Variants in P4HA1 observed in about 807,000 individuals in gnomAD.
The protein encoded by P4HA1 is prolyl 4-hydroxylase subunit alpha-1.
P4HA1 carries 24 observed loss-of-function variants against 72.8 expected under a neutral mutation model. The ratio of observed to expected loss-of-function variants is 0.33; its 90% confidence interval spans 0.24 to 0.46. P4HA1 has a LOEUF of 0.46. Ranked by LOEUF, P4HA1 falls within the 20% of genes least tolerant of loss-of-function variation. The pLI is 1.00. For synonymous variants in P4HA1, 201 were observed against 218.8 expected, an observed-to-expected ratio of 0.92 and a Z score of 0.72; for missense variants, 446 against 640.6, an observed-to-expected ratio of 0.70 and a Z score of 3.28.
intron 10 of P4HA1, among the ~76,000 whole-genome samples, chr10:73,021,084 A>C (rs1310055822): frequency 6.6e-6 from 1 of 152,132 alleles, no homozygotes; most frequent in African/African-American, 2.4e-5. Context: ...GCAGTGAGCC[A>C]AGATCACACC....
chr10:73,084,642 C>A (rs1252071416), intron 1 of P4HA1, among the ~76,000 whole-genome samples: 1 of 152,020 alleles, frequency 6.6e-6, no homozygotes, highest in African/African-American at 2.4e-5. Context: ...AGCAGTTATA[C>A]TACTTGAAAA....
intron 6 of P4HA1, 111 bp from the exon 7 acceptor site, chr10:73,051,360 T>G (rs1841015431): frequency 3.1e-6 from 2 of 638,778 alleles, no homozygotes; most frequent in Admixed American, 5.9e-5. Context: ...CAAACCAGGT[T>G]GCTGTTGTGA....
intron 5 of P4HA1, among the ~76,000 whole-genome samples, chr10:73,053,938 A>G (rs1841076859): frequency 6.6e-6 from 1 of 150,540 alleles, no homozygotes; most frequent in Admixed American, 6.6e-5. Flanking sequence ...TTCTTTTGAG[A>G]CAGAGTCTTG....
At chr10:73,056,488 C>T (rs1841150408) in intron 5 of P4HA1, among the ~76,000 whole-genome samples, 1 of 151,840 alleles carries the variant, frequency 6.6e-6, no homozygotes, top group Non-Finnish European at 1.5e-5. Context: ...AAAAATCAGC[C>T]AGGCATGGTG....
intron 5 of P4HA1, among the ~76,000 whole-genome samples, chr10:73,055,211 G>C (rs1273293443): frequency 6.6e-6 from 1 of 152,088 alleles, no homozygotes; most frequent in Non-Finnish European, 1.5e-5. Context: ...CACTCTGTTA[G>C]AGTTCTTTAT....
intron 6 of P4HA1, 114 bp downstream of exon 6, chr10:73,053,237 C>T: frequency 2.0e-6 from 2 of 1,001,894 alleles, no homozygotes; most frequent in South Asian, 1.6e-5. Context: ...AAGTAAAGCT[C>T]CTGACTTCTA....
intron 1 of P4HA1, among the ~76,000 whole-genome samples, chr10:73,088,642 C>T (rs1053324686): frequency 2.1e-4 from 32 of 152,192 alleles, no homozygotes; most frequent in South Asian, 1.7e-3. Flanking sequence ...TGTCACTTGT[C>T]CCAATATTCA....
intron 1 of P4HA1, among the ~76,000 whole-genome samples, chr10:73,095,273 C>T (rs1026025492): frequency 7.1e-6 from 1 of 140,852 alleles, no homozygotes; most frequent in African/African-American, 2.6e-5. Flanking sequence ...TGTGTATTCA[C>T]ATTTCACATG....
At chr10:73,011,627 A>G (rs1839911344) in intron 12 of P4HA1, among the ~76,000 whole-genome samples, 1 of 152,206 alleles carries the variant, frequency 6.6e-6, no homozygotes, top group Non-Finnish European at 1.5e-5. Context: ...AAAAATGGAA[A>G]CCTTTTAAAT....
chr10:73,024,898 G>A (rs940538735), intron 10 of P4HA1, among the ~76,000 whole-genome samples: 3 of 152,130 alleles, frequency 2.0e-5, no homozygotes, highest in African/African-American at 7.2e-5. Context: ...TAGAAGAAAT[G>A]GATAAATTCC....
At chr10:73,089,568 A>T (rs6480668) in intron 1 of P4HA1, among the ~76,000 whole-genome samples, 1 of 152,066 alleles carries the variant, frequency 6.6e-6, no homozygotes, top group East Asian at 1.9e-4. Flanking sequence ...AAACAATCCA[A>T]ATGTCCATCA....
rs200840108 is a variant in P4HA1, at chr10:73,071,042, CTGGCG to C, written c.325+982_325+986del. Among the ~76,000 whole-genome samples, 37 of 151,924 alleles carry C rather than the reference CTGGCG, an allele frequency of 2.4e-4. No homozygotes were observed. The East Asian group carries it at 7.0e-3, about 29-fold the overall frequency. On this transcript the variant is annotated intron_variant, in intron 4 of 14. Transcript: ENST00000394890. ...AAGAAAGAAAAATTTTTAAATTGGC[CTGGCG>C]TGGTGGTCTATGCTTGTAGTGCTAG... is the stretch of plus-strand genomic sequence containing the variant.
chr10:73,047,592 T>G (rs965554209), intron 7 of P4HA1, among the ~76,000 whole-genome samples: 1 of 74,274 alleles, frequency 1.3e-5, no homozygotes, highest in Non-Finnish European at 3.3e-5. Flanking sequence ...AAGGGCAAAA[T>G]AAAAAATGGA....
chr10:73,047,159 T>G, intron 7 of P4HA1, 58 bp from the exon 8 acceptor site: 1 of 1,183,486 alleles, frequency 8.4e-7, no homozygotes, highest in African/African-American at 1.6e-5. Flanking sequence ...TTTTAATATC[T>G]ATTCCTATGC....
chr10:73,035,553 T>G (rs1407213069), intron 9 of P4HA1, among the ~76,000 whole-genome samples: 2 of 152,088 alleles, frequency 1.3e-5, no homozygotes, highest in Non-Finnish European at 2.9e-5. Flanking sequence ...AACTTTTAAT[T>G]CCAGGAATGG....
rs192689158 is a variant in P4HA1 at position 73,029,584 on chromosome 10, C to T, written c.1248+687G>A. ...GAAAAGACTAAGGAATAGTAAATAA[C>T]GCTGACAAAGGGGAAGACTAAGCTG... is the stretch of plus-strand genomic sequence containing the variant. On this transcript the variant is annotated intron_variant, in intron 10 of 14. Transcript: ENST00000394890. Among the ~76,000 whole-genome samples, 137 of 149,404 alleles carry T rather than the reference C, an allele frequency of 9.2e-4. 1 individual carries two copies. Among genetic ancestry groups the T allele is most frequent in the Middle Eastern group, 3.5e-3 (1 of 282 alleles).
rs1234298688 is a variant in P4HA1 at position 73,007,295 on chromosome 10, T to G, written c.*927A>C. ...TTCAGAATCTTAAAAAAACAAACAT[T>G]TTGGCTTTCTAAGAAAAAGACTTTT... is the stretch of plus-strand genomic sequence containing the variant. On this transcript the variant is annotated 3_prime_UTR_variant, in exon 15 of 15. Coordinates refer to ENST00000394890, the MANE Select transcript of P4HA1 (RefSeq NM_001017962.3). 1 of 152,570 alleles carries G rather than the reference T, an allele frequency of 6.6e-6. No individual in the cohort carries two copies. Among genetic ancestry groups the G allele is most frequent in the East Asian group, 1.9e-4 (1 of 5,200 alleles). 9.5% of individuals were successfully genotyped at this position (152,570 alleles called of 1,614,324 possible). A position where few individuals can be genotyped will look rare whatever the true frequency, so the allele number is the denominator to read the frequency against.
rs1279342392 is a variant in P4HA1 at position 73,085,255 on chromosome 10, T to C, written c.-32-10340A>G. ...CCAAGAAGCCAAAGAAATAAATAAATTGAACTTTGCCAAAATCTAAAACTG... is the reference window on the plus strand; with the variant it reads ...CCAAGAAGCCAAAGAAATAAATAAACTGAACTTTGCCAAAATCTAAAACTG... On this transcript the variant is annotated intron_variant, in intron 1 of 14. Coordinates refer to ENST00000394890, the MANE Select transcript of P4HA1 (RefSeq NM_001017962.3). Among the ~76,000 whole-genome samples, 3 of 152,120 alleles carry C rather than the reference T, an allele frequency of 2.0e-5. No homozygotes were observed. The East Asian group carries it at 5.8e-4, about 29-fold the overall frequency.
intron 10 of P4HA1, among the ~76,000 whole-genome samples, chr10:73,026,782 G>A (rs1840281768): frequency 6.6e-6 from 1 of 152,178 alleles, no homozygotes; most frequent in Non-Finnish European, 1.5e-5. Flanking sequence ...CAAAAAGTGG[G>A]CAAAGGATAT....
Sources: allele counts gnomAD v4.1 joint callset (sites outside exome capture counted in the v4.1 genomes callset), GRCh38; gene constraint gnomAD v4.1.1; transcripts MANE v1.5; gene names NCBI Gene and HGNC (gene_info 2026-07-23, HGNC 2026-07-21).